Variants in ST14 observed in about 807,000 individuals in gnomAD.
ST14 encodes ST14 transmembrane serine protease matriptase, also known as suppressor of tumorigenicity 14 protein.
ST14 carries 40 observed loss-of-function variants against 96.5 expected under a neutral mutation model. That is an observed-to-expected ratio of 0.41 (90% CI 0.32 to 0.54). The LOEUF is 0.54. Ranked by LOEUF, ST14 falls within the 20% of genes least tolerant of loss-of-function variation. The pLI is 0.17. For synonymous variants in ST14, 506 were observed against 492.1 expected, an observed-to-expected ratio of 1.03 and a Z score of -0.37; for missense variants, 1,066 against 1,188.9, an observed-to-expected ratio of 0.90 and a Z score of 1.52.
chr11:130,169,789 A>T (rs1055964364), intron 1 of ST14, among the ~76,000 whole-genome samples: 26 of 152,248 alleles, frequency 1.7e-4, no homozygotes, highest in African/African-American at 5.1e-4. Flanking sequence ...TGAAAGGCAC[A>T]CTAGCTCGTG....
chr11:130,201,999 C>T (rs1953433876), intron 16 of ST14, among the ~76,000 whole-genome samples: 1 of 152,198 alleles, frequency 6.6e-6, no homozygotes, highest in Admixed American at 6.5e-5. Flanking sequence ...TATGTTTCCC[C>T]AGCCCAGCCC....
At chr11:130,164,241 C>T (rs887451295) in intron 1 of ST14, among the ~76,000 whole-genome samples, 2 of 152,148 alleles carry the variant, frequency 1.3e-5, no homozygotes, top group African/African-American at 4.8e-5. Context: ...TAATGATGAA[C>T]ACTAATAATC....
At chr11:130,209,163 G>T (rs939615815) in intron 17 of ST14, among the ~76,000 whole-genome samples, 2 of 152,110 alleles carry the variant, frequency 1.3e-5, no homozygotes, top group African/African-American at 4.8e-5. Context: ...GGGCATTTGC[G>T]GCGCCTTCCC....
rs2063922446 is a variant in ST14 at position 130,188,299 on chromosome 11, G to C, written c.241+26G>C. On this transcript the variant is annotated intron_variant, in intron 2 of 18. Transcript: ENST00000278742. The surrounding 1 kb of genome is among the most constrained non-coding windows in gnomAD (Gnocchi z 5.4). ...GTGAGTAAAGCTGGGGCTGGCTCCG[G>C]GGAGGACGACAAGGGGTGGCTGTCC... 1.2e-6 allele frequency: 2 copies of C among 1,605,690 alleles called. No individual in the cohort carries two copies. Among genetic ancestry groups the C allele is most frequent in the Non-Finnish European group, 1.7e-6 (2 of 1,174,970 alleles).
intron 15 of ST14, 86 bp from the exon 16 acceptor site, chr11:130,199,865 G>T (rs76237317): frequency 1.3e-6 from 2 of 1,560,612 alleles, no homozygotes; most frequent in South Asian, 2.2e-5. Flanking sequence ...CCCACACAGG[G>T]TCTCCTGGCA....
In ST14 at chr11:130,209,670, C is replaced by T. The variant is rs200900762; in HGVS notation, c.2415C>T (p.Ser805=). The change falls in exon 19 of 19, where the codon TCC becomes TCT. Residue 805 remains serine, a synonymous_variant. Transcript: ENST00000278742. The stretch of plus-strand genomic sequence containing the variant: ...GGCTTGTCTCCGCCCAGGGTGATTC[C>T]GGGGGACCCCTGTCCAGCGTGGAGG... ...SGGVDSCQGD[S]GGPLSSVEAD... 1.2e-4 allele frequency: 187 copies of T among 1,611,942 alleles called. No individual in the cohort carries two copies. Among genetic ancestry groups the T allele is most frequent in the Admixed American group, 1.0e-3 (60 of 59,932 alleles).
At chr11:130,165,321 G>A (rs1336083594) in intron 1 of ST14, among the ~76,000 whole-genome samples, 1 of 152,206 alleles carries the variant, frequency 6.6e-6, no homozygotes, top group African/African-American at 2.4e-5. Context: ...CTAAATTATA[G>A]AAACCATTTG....
chr11:130,191,397 A>G (rs1953297710), intron 7 of ST14, among the ~76,000 whole-genome samples: 2 of 151,534 alleles, frequency 1.3e-5, no homozygotes, highest in African/African-American at 2.4e-5. Context: ...TGTAAGCAAG[A>G]GCCTTTTATG....
rs201920222 is a variant in ST14 at position 130,197,837 on chromosome 11, G to T, written c.1355-4G>T. On this transcript the variant is annotated splice_region_variant and splice_polypyrimidine_tract_variant and intron_variant, in intron 11 of 18. Transcript: ENST00000278742. ...GGGGGCCTCAGGCCTGCCTGTGCCC[G>T]CAGCATGCCCGGGGCAGTTCACGTG... is the stretch of plus-strand genomic sequence containing the variant. 1.3e-6 allele frequency: 2 copies of T among 1,563,484 alleles called. No individual in the cohort carries two copies. Among genetic ancestry groups the T allele is most frequent in the South Asian group, 2.3e-5 (2 of 86,210 alleles).
chr11:130,168,617 G>A (rs1003937372), intron 1 of ST14, among the ~76,000 whole-genome samples: 2 of 152,170 alleles, frequency 1.3e-5, no homozygotes, highest in Admixed American at 6.5e-5. Flanking sequence ...AGGATGAGAG[G>A]TGGGTGACAT....
chr11:130,173,719 A>G (rs1024758292), intron 1 of ST14, among the ~76,000 whole-genome samples: 1 of 152,174 alleles, frequency 6.6e-6, no homozygotes, highest in African/African-American at 2.4e-5. Flanking sequence ...CCAGGAGCCA[A>G]TCCTTGGCTG....
In ST14 at chr11:130,189,729, C is replaced by T. The variant is rs1352458063; in HGVS notation, c.441-10C>T. The T allele has an allele frequency of 1.9e-6, 3 of 1,610,670 alleles. No homozygotes were observed. The highest frequency in any genetic ancestry group is 1.7e-5 in the Admixed American group (1 of 60,012). On this transcript the variant is annotated splice_polypyrimidine_tract_variant and intron_variant, in intron 4 of 18. Transcript: ENST00000278742. ...CAGAGCTCCGCCTCAGGCTCCCGCT[C>T]TCTCCCCAGCGAGGGCAGCGTCATC...
At chr11:130,204,151 C>T (rs562886125) in intron 16 of ST14, among the ~76,000 whole-genome samples, 20 of 152,234 alleles carry the variant, frequency 1.3e-4, no homozygotes, top group Non-Finnish European at 2.6e-4. Flanking sequence ...TATCTCTCCA[C>T]ATGTACACTG....
chr11:130,190,304 G>GC (rs1953283605), intron 6 of ST14, 150 bp from the exon 7 acceptor site: 3 of 1,478,042 alleles, frequency 2.0e-6, no homozygotes, highest in Admixed American at 3.5e-5. Flanking sequence ...CTTCTGAGAA[G>GC]CCCCCTTCCT....
rs949030858 is a variant in ST14 at position 130,194,804 on chromosome 11, CTGTGCAGATG to C, written c.1113+72_1113+81del. On this transcript the variant is annotated intron_variant, in intron 9 of 18. Coordinates refer to ENST00000278742, the MANE Select transcript of ST14 (RefSeq NM_021978.4). ...TGTATGTGCACGTGTGTGTGTCTCC[CTGTGCAGATG>C]TGTGTGGATGTGTGTGCATGTGTTT... 9.0e-5 allele frequency: 136 copies of C among 1,506,896 alleles called. 1 individual carries two copies. The East Asian group carries it at 3.0e-3, about 34-fold the overall frequency. The allele number at this position is 1,506,896 out of a possible 1,614,324, so 93.3% of individuals were successfully genotyped here. A position where few individuals can be genotyped will look rare whatever the true frequency, so the allele number is the denominator to read the frequency against.
intron 1 of ST14, among the ~76,000 whole-genome samples, chr11:130,173,969 A>G (rs1259783259): frequency 1.3e-5 from 2 of 152,236 alleles, no homozygotes; most frequent in African/African-American, 2.4e-5. Context: ...GGTAGTTTCC[A>G]AAAACATTTT....
intron 1 of ST14, among the ~76,000 whole-genome samples, chr11:130,166,982 C>T (rs147240658): frequency 4.6e-5 from 7 of 152,258 alleles, no homozygotes; most frequent in East Asian, 1.9e-4. Context: ...AGGCCAGGGC[C>T]GATGGATCAC....
chr11:130,204,547 C>T (rs765055977), intron 16 of ST14, among the ~76,000 whole-genome samples: 8 of 152,120 alleles, frequency 5.3e-5, no homozygotes, highest in Non-Finnish European at 1.0e-4. Flanking sequence ...CGCGGTGGCT[C>T]ATGCCTATAA....
At chr11:130,209,295 A>T in intron 17 of ST14, 147 bp from the exon 18 acceptor site, 1 of 1,081,428 alleles carries the variant, frequency 9.2e-7, no homozygotes, top group Non-Finnish European at 1.4e-6. Context: ...GCCAGAGCCC[A>T]CTGAGTAGAC....
Sources: gnomAD v4.1 joint callset for allele counts (sites outside exome capture counted in the v4.1 genomes callset) on GRCh38, gnomAD v4.1.1 for gene constraint, Gnocchi (gnomAD v3.1) non-coding constraint, MANE v1.5 for transcripts, NCBI Gene and HGNC (gene_info 2026-07-23, HGNC 2026-07-21) for gene names.